Variants in MICAL2 observed in about 807,000 individuals in gnomAD.
MICAL2 encodes microtubule associated monooxygenase, calponin and LIM domain containing 2.
In MICAL2, 77 loss-of-function variants were observed where a neutral mutation model predicts 127.3. The observed-to-expected ratio is 0.60, with a 90% CI of 0.50 to 0.73. The LOEUF (loss-of-function observed/expected upper bound fraction) is 0.73, where lower values mean the gene tolerates loss of function less well. Ranked by LOEUF, MICAL2 falls within the 30% of genes least tolerant of loss-of-function variation. The pLI, the probability that MICAL2 is intolerant of heterozygous loss-of-function variation, is 0.00. For synonymous variants in MICAL2, 570 were observed against 551.1 expected (o/e 1.03, Z -0.48); for missense variants, 1,351 against 1,434.4 (o/e 0.94, Z 0.94).
chr11:12,334,441 TC>T (rs1428123289), intron 32 of MICAL2, among the ~76,000 whole-genome samples: 2 of 152,118 alleles, frequency 1.3e-5, no homozygotes, highest in East Asian at 3.8e-4. Flanking sequence ...TATTTTCTTT[TC>T]TTTTTTTTTA....
At chr11:12,324,114 G>A (rs2134847603) in intron 31 of MICAL2, 2 of 1,586,172 alleles carry the variant, frequency 1.3e-6, no homozygotes, top group Middle Eastern at 1.7e-4. Flanking sequence ...CTGGGTCCAG[G>A]ATCCTGGGAC....
At chr11:12,161,171 G>A (rs1854739551) in intron 2 of MICAL2, among the ~76,000 whole-genome samples, 1 of 152,198 alleles carries the variant, frequency 6.6e-6, no homozygotes, top group South Asian at 2.1e-4. Context: ...TAGTGCTTTG[G>A]AAAATCAGCT....
intron 32 of MICAL2, among the ~76,000 whole-genome samples, chr11:12,343,626 G>C (rs149342123): frequency 5.3e-5 from 8 of 152,126 alleles, no homozygotes; most frequent in African/African-American, 1.9e-4. Flanking sequence ...AGAACGTGTG[G>C]GTATAATGCA....
rs141907156 is a variant in MICAL2 at position 12,322,813 on chromosome 11, A to G, written c.5329-1165A>G. The stretch of plus-strand genomic sequence containing the variant: ...CTAATTTAAAATATAATAATATACG[A>G]ATGCTATAAAAATCATGCTATTAGT... On this transcript the variant is annotated intron_variant, in intron 30 of 34. Coordinates refer to the MICAL2 transcript ENST00000646065. Among the ~76,000 whole-genome samples the G allele has an allele frequency of 5.1e-3, 780 of 152,350 alleles. 9 individuals carry two copies. The highest frequency in any genetic ancestry group is 0.018 in the African/African-American group (757 of 41,576).
chr11:12,170,169 G>T (rs1302439952), intron 3 of MICAL2, among the ~76,000 whole-genome samples: 1 of 152,120 alleles, frequency 6.6e-6, no homozygotes, highest in Non-Finnish European at 1.5e-5. Context: ...GGTTTACTTT[G>T]TCAGTCCCCA....
At chr11:12,355,372 A>T (rs1041660008) in intron 34 of MICAL2, among the ~76,000 whole-genome samples, 1 of 152,200 alleles carries the variant, frequency 6.6e-6, no homozygotes, top group African/African-American at 2.4e-5. Context: ...GGCATCACAC[A>T]TGAGAAAACG....
intron 1 of MICAL2, among the ~76,000 whole-genome samples, chr11:12,112,578 G>A (rs752375690): frequency 5.9e-5 from 9 of 151,926 alleles, no homozygotes; most frequent in Non-Finnish European, 1.2e-4. Flanking sequence ...GGGGTGTAGT[G>A]TTATGGTTGT....
rs143474367 is a variant in MICAL2 at position 12,277,209 on chromosome 11, C to T, written c.87+1043C>T. Reference sequence around the variant, plus strand: ...CTGGGGTGACAGAGGGCTATTGGGCCGTGGGTCTTTCATCCTCCAACTGGC... The same window carrying T: ...CTGGGGTGACAGAGGGCTATTGGGCTGTGGGTCTTTCATCCTCCAACTGGC... On this transcript the variant is annotated intron_variant, in intron 1 of 2. Transcript: ENST00000529028. Among the ~76,000 whole-genome samples the T allele has an allele frequency of 2.0e-4, 30 of 151,910 alleles. No homozygotes were observed. The East Asian group carries it at 3.7e-3, about 19-fold the overall frequency.
At chr11:12,213,558 T>C in intron 7 of MICAL2, 148 bp downstream of exon 7, 1 of 729,312 alleles carries the variant, frequency 1.4e-6, no homozygotes, top group Non-Finnish European at 2.2e-6. Flanking sequence ...CCTAGGATAG[T>C]GAATACAGAC....
chr11:12,211,252 G>C (rs10765930), intron 6 of MICAL2, among the ~76,000 whole-genome samples: 10 of 152,026 alleles, frequency 6.6e-5, no homozygotes, highest in Non-Finnish European at 1.5e-5. Flanking sequence ...ATGGTGGCAC[G>C]TACCTGTAGT....
chr11:12,329,862 GAAAAAAAAA>G (rs59395634), intron 32 of MICAL2, among the ~76,000 whole-genome samples: 1 of 121,984 alleles, frequency 8.2e-6, no homozygotes, highest in Admixed American at 8.5e-5. Flanking sequence ...CCCCAAATAT[GAAAAAAAAA>G]AAAAAAAAAA....
At chr11:12,216,865 C>T (rs1856221283) in intron 8 of MICAL2, among the ~76,000 whole-genome samples, 1 of 152,184 alleles carries the variant, frequency 6.6e-6, no homozygotes, top group African/African-American at 2.4e-5. Context: ...ATGATAGTTT[C>T]TGCCTGAAAG....
downstream of MICAL2, among the ~76,000 whole-genome samples, chr11:12,296,860 A>T (rs186606719): frequency 5.9e-4 from 89 of 152,092 alleles, no homozygotes; most frequent in Non-Finnish European, 1.2e-3. Context: ...AGCTCATTCC[A>T]TATTAGTACG....
At chr11:12,164,864 G>A (rs1054417763) in intron 3 of MICAL2, among the ~76,000 whole-genome samples, 26 of 152,166 alleles carry the variant, frequency 1.7e-4, no homozygotes, top group African/African-American at 6.3e-4. Context: ...GCTGGGCGTC[G>A]CGGCTCACGC....
chr11:12,278,504 A>G (rs1565291278), intron 1 of MICAL2, among the ~76,000 whole-genome samples: 1 of 152,242 alleles, frequency 6.6e-6, no homozygotes, highest in Non-Finnish European at 1.5e-5. Context: ...ACCATCAAAT[A>G]TGGGTTATAT....
intron 3 of MICAL2, among the ~76,000 whole-genome samples, chr11:12,165,148 A>G (rs374200341): frequency 4.8e-5 from 6 of 125,582 alleles, no homozygotes; most frequent in African/African-American, 1.8e-4. Flanking sequence ...CAAAAAAAAA[A>G]AAAAAAAGAA....
At chr11:12,214,824 C>CACACACAA (rs1855947102) in intron 7 of MICAL2, among the ~76,000 whole-genome samples, 2 of 104,920 alleles carry the variant, frequency 1.9e-5, no homozygotes, top group Admixed American at 8.5e-5. Flanking sequence ...GCTGGTCCAT[C>CACACACAA]ACACACACAC....
At chr11:12,247,564 C>A (rs556565995) in intron 21 of MICAL2, among the ~76,000 whole-genome samples, 13 of 152,264 alleles carry the variant, frequency 8.5e-5, no homozygotes, top group Non-Finnish European at 1.6e-4. Context: ...CACTGTGAGG[C>A]CATTTTAGGC....
At chr11:12,207,154 C>T (rs1051060907) in intron 4 of MICAL2, among the ~76,000 whole-genome samples, 3 of 152,010 alleles carry the variant, frequency 2.0e-5, no homozygotes, top group African/African-American at 4.8e-5. Flanking sequence ...ATTCTTGGTC[C>T]CTCCTCTCTT....
Sources: gnomAD v4.1 joint callset for allele counts (sites outside exome capture counted in the v4.1 genomes callset) on GRCh38, gnomAD v4.1.1 for gene constraint, MANE v1.5 for transcripts, NCBI Gene and HGNC (gene_info 2026-07-23, HGNC 2026-07-21) for gene names.